Variants in SOX6 observed in about 807,000 individuals in gnomAD.
The protein encoded by SOX6 is transcription factor SOX-6.
SOX6 carries 11 observed loss-of-function variants against 97.8 expected under a neutral mutation model. The observed-to-expected ratio is 0.11, with a 90% CI of 0.07 to 0.19. The LOEUF (loss-of-function observed/expected upper bound fraction) is 0.19. SOX6 is among the 10% of genes least tolerant of loss of function. The pLI is 1.00. For synonymous variants in SOX6, 360 were observed against 371.4 expected (o/e 0.97, Z 0.35); for missense variants, 810 against 1,039.5 (o/e 0.78, Z 3.04).
Position 16,275,812 on chromosome 11 carries a change from G to C in SOX6, c.446-41141C>G, listed in dbSNP as rs148616875. ...ATGTAATAATTTCAAGTACTTCTTA[G>C]CTTTCCTCAGATCAGGAAGTGAATA... On this transcript the variant is annotated intron_variant, in intron 3 of 15. Transcript: ENST00000683767. 3.5e-4 allele frequency among the ~76,000 whole-genome samples: 53 copies of C among 152,180 alleles called. No homozygotes were observed. The East Asian group carries it at 9.9e-3, about 28-fold the overall frequency.
chr11:16,690,107 T>C (rs898821366), intron 3 of SOX6, among the ~76,000 whole-genome samples: 19 of 152,152 alleles, frequency 1.2e-4, no homozygotes, highest in African/African-American at 4.6e-4. Flanking sequence ...ATATTTTTAG[T>C]ATAGGTGGAG....
chr11:16,158,105 T>A (rs1850649347), intron 6 of SOX6, among the ~76,000 whole-genome samples: 1 of 152,002 alleles, frequency 6.6e-6, no homozygotes, highest in African/African-American at 2.4e-5. Context: ...TAGTAGAAAT[T>A]TAATAAGAAA....
chr11:16,344,354 G>A (rs1027319124), intron 1 of SOX6, among the ~76,000 whole-genome samples: 1 of 151,844 alleles, frequency 6.6e-6, no homozygotes, highest in African/African-American at 2.4e-5. Context: ...CTGATTATTA[G>A]ATCTGATTCA....
chr11:16,365,339 A>G (rs1857329601), intron 1 of SOX6, among the ~76,000 whole-genome samples: 2 of 134,700 alleles, frequency 1.5e-5, no homozygotes, highest in South Asian at 5.7e-4. Flanking sequence ...GTGTGTATGT[A>G]TCTTGTATGG....
chr11:16,283,865 C>A, intron 3 of SOX6: 1 of 406,238 alleles, frequency 2.5e-6, no homozygotes, highest in South Asian at 1.8e-5. Context: ...CTCCTTTCAG[C>A]AGTTATGGTT....
At chr11:16,409,704 ATAACTC>A (rs1331604150) in intron 1 of SOX6, among the ~76,000 whole-genome samples, 1 of 152,212 alleles carries the variant, frequency 6.6e-6, no homozygotes, top group African/African-American at 2.4e-5. Context: ...TTAAAGAAGA[ATAACTC>A]TATAAGCATC....
At chr11:16,566,971 A>G (rs138698204) in intron 4 of SOX6, among the ~76,000 whole-genome samples, 56 of 152,372 alleles carry the variant, frequency 3.7e-4, no homozygotes, top group African/African-American at 1.2e-3. Context: ...GGTACATATC[A>G]TGGAATATTA....
At chr11:16,456,449 G>A (rs551475137) in intron 1 of SOX6, among the ~76,000 whole-genome samples, 3 of 152,158 alleles carry the variant, frequency 2.0e-5, no homozygotes, top group Non-Finnish European at 4.4e-5. Context: ...AAAATAAGAT[G>A]ACTCTCAACC....
chr11:16,374,739 A>G (rs1373371824), intron 1 of SOX6, among the ~76,000 whole-genome samples: 2 of 152,048 alleles, frequency 1.3e-5, no homozygotes, highest in Non-Finnish European at 2.9e-5. Context: ...TATCCACTCT[A>G]TTCTTAGGCA....
intron 1 of SOX6, among the ~76,000 whole-genome samples, chr11:16,370,892 C>CT (rs1857479333): frequency 6.6e-6 from 1 of 152,134 alleles, no homozygotes; most frequent in Admixed American, 6.6e-5. Flanking sequence ...CAAGAACTCT[C>CT]ACTTAGGTTA....
At chr11:16,393,921 A>C (rs953077825) in intron 1 of SOX6, among the ~76,000 whole-genome samples, 1 of 152,004 alleles carries the variant, frequency 6.6e-6, no homozygotes, top group Non-Finnish European at 1.5e-5. Context: ...TTGGGAGTGC[A>C]GGGGTGAGGT....
chr11:16,100,605 T>C (rs914893329), intron 7 of SOX6, among the ~76,000 whole-genome samples: 2 of 151,626 alleles, frequency 1.3e-5, no homozygotes, highest in Non-Finnish European at 3.0e-5. Flanking sequence ...TCTTAAATTT[T>C]CATAGAAACT....
chr11:16,277,072 C>T (rs1262210134), intron 3 of SOX6, among the ~76,000 whole-genome samples: 5 of 152,078 alleles, frequency 3.3e-5, no homozygotes, highest in Non-Finnish European at 5.9e-5. Context: ...ACATTGTCAC[C>T]GAAGAATCCT....
At chr11:16,035,862 T>A (rs1213915602) in intron 12 of SOX6, among the ~76,000 whole-genome samples, 2 of 152,116 alleles carry the variant, frequency 1.3e-5, no homozygotes, top group Non-Finnish European at 2.9e-5. Flanking sequence ...ATATGATGCC[T>A]TAGGGTCACC....
chr11:16,636,728 T>C (rs908940300), intron 3 of SOX6, among the ~76,000 whole-genome samples: 46 of 152,178 alleles, frequency 3.0e-4, no homozygotes, highest in Admixed American at 2.9e-3. Flanking sequence ...AATTGAATCA[T>C]GGGGGCAGTT....
At chr11:16,282,946 A>C (rs1854607909) in intron 3 of SOX6, among the ~76,000 whole-genome samples, 1 of 149,174 alleles carries the variant, frequency 6.7e-6, no homozygotes, top group Non-Finnish European at 1.5e-5. Flanking sequence ...CAACTCTATA[A>C]TTGCCCATAT....
chr11:16,533,775 T>C (rs1861268884), intron 4 of SOX6, among the ~76,000 whole-genome samples: 1 of 152,094 alleles, frequency 6.6e-6, no homozygotes, highest in Non-Finnish European at 1.5e-5. Context: ...TGACAATAAA[T>C]TTGTGTCATT....
chr11:16,724,049 T>C (rs1193350260), intron 2 of SOX6, among the ~76,000 whole-genome samples: 1 of 152,212 alleles, frequency 6.6e-6, no homozygotes, highest in Non-Finnish European at 1.5e-5. Flanking sequence ...AACATATAAG[T>C]AATTTTTAAA....
Position 15,970,773 on chromosome 11 carries a change from A to T in SOX6, c.*2036T>A, listed in dbSNP as rs11023803. The T allele has an allele frequency of 1.3e-5, 2 of 152,736 alleles. No individual in the cohort carries two copies. Among genetic ancestry groups the T allele is most frequent in the East Asian group, 3.9e-4 (2 of 5,162 alleles). 9.5% of individuals were successfully genotyped at this position (152,736 alleles called of 1,614,324 possible). A position where few individuals can be genotyped will look rare whatever the true frequency, so the allele number is the denominator to read the frequency against. On this transcript the variant is annotated 3_prime_UTR_variant, in exon 16 of 16. Coordinates refer to ENST00000683767, the MANE Select transcript of SOX6 (RefSeq NM_001367873.1). ...CACTCTTAAATAAATACAAAGGTAC[A>T]CTATTTTCTTCCAAGTGACAAAATG... is the stretch of plus-strand genomic sequence containing the variant.
Sources: allele counts gnomAD v4.1 joint callset (sites outside exome capture counted in the v4.1 genomes callset), GRCh38; gene constraint gnomAD v4.1.1; transcripts MANE v1.5; gene names NCBI Gene and HGNC (gene_info 2026-07-23, HGNC 2026-07-21).